Variants in TMEM72 observed in about 807,000 individuals in gnomAD.
TMEM72 encodes kidney-specific secretory protein of 37 kDa.
TMEM72 carries 9 observed loss-of-function variants against 16.3 expected under a neutral mutation model. The ratio of observed to expected loss-of-function variants is 0.55; its 90% CI spans 0.33 to 0.96. The LOEUF is 0.96. Among genes scored for constraint, TMEM72 ranks in the 40% least tolerant of loss-of-function variants. TMEM72 has a pLI of 0.03. For missense variants in TMEM72, 324 were observed against 337.8 expected (o/e 0.96, Z 0.32); for synonymous variants, 160 against 146.5 (o/e 1.09, Z -0.66).
At chr10:44,915,373 G>T (rs972306169) in intron 1 of TMEM72, among the ~76,000 whole-genome samples, 1 of 151,534 alleles carries the variant, frequency 6.6e-6, no homozygotes, top group Non-Finnish European at 1.5e-5. Flanking sequence ...GTCATTGGGA[G>T]CATCATCATG....
rs1276794706 is a variant in TMEM72 at position 44,932,078 on chromosome 10, T to C, written c.209+9T>C. 1 of 1,611,702 alleles carries C rather than the reference T, an allele frequency of 6.2e-7. No homozygotes were observed. Among genetic ancestry groups the C allele is most frequent in the South Asian group, 1.1e-5 (1 of 90,450 alleles). The stretch of plus-strand genomic sequence containing the variant: ...CTGGCCATCTGCTTCCAGTAAGTAG[T>C]TTCCAGAGAGACCCCTCCATTGTCC... On this transcript the variant is annotated intron_variant, in intron 3 of 4. Coordinates refer to ENST00000389583, the MANE Select transcript of TMEM72 (RefSeq NM_001123376.3).
chr10:44,918,092 G>T (rs1369304567), intron 1 of TMEM72, among the ~76,000 whole-genome samples: 10 of 152,120 alleles, frequency 6.6e-5, no homozygotes, highest in African/African-American at 2.4e-4. Context: ...CAGCTTGTGT[G>T]GGGGAATTCC....
intron 1 of TMEM72, among the ~76,000 whole-genome samples, chr10:44,918,837 C>A (rs1840049804): frequency 6.6e-6 from 1 of 152,042 alleles, no homozygotes; most frequent in Admixed American, 6.6e-5. Context: ...GCTCCCTAGG[C>A]CCTTCTATCA....
intron 1 of TMEM72, among the ~76,000 whole-genome samples, chr10:44,916,149 G>C (rs112163836): frequency 0.015 from 2,233 of 152,294 alleles, 79 homozygotes; most frequent in African/African-American, 0.051. Context: ...GCTGTGTTAT[G>C]GCAGCTCCAA....
chr10:44,920,975 C>T (rs1276515801), intron 1 of TMEM72, among the ~76,000 whole-genome samples: 1 of 152,176 alleles, frequency 6.6e-6, no homozygotes, highest in African/African-American at 2.4e-5. Flanking sequence ...AGTGGCTGCC[C>T]TGCCCAGGGC....
chr10:44,934,828 C>T lies in TMEM72; in HGVS notation c.522C>T (p.Ala174=), dbSNP rs1305826825. Residue 174 remains alanine, a synonymous_variant, in exon 5 of 5, where the codon GCC becomes GCT. Transcript: ENST00000389583. The part of the protein sequence containing the change: ...DTEQTYTFHG[A]LKEGPSSLFI... ...AGCAAACCTACACTTTCCATGGGGCCCTCAAGGAGGGGCCCAGCTCCCTTT... is the reference window on the plus strand; with the variant it reads ...AGCAAACCTACACTTTCCATGGGGCTCTCAAGGAGGGGCCCAGCTCCCTTT... 1.9e-6 allele frequency: 3 copies of T among 1,613,460 alleles called. No individual in the cohort carries two copies. The highest frequency in any genetic ancestry group is 2.5e-6 in the Non-Finnish European group (3 of 1,180,002).
intron 1 of TMEM72, among the ~76,000 whole-genome samples, chr10:44,913,715 C>T (rs374133109): frequency 1.4e-4 from 22 of 152,170 alleles, no homozygotes; most frequent in African/African-American, 4.8e-4. Context: ...GGGCAAATCT[C>T]GAGTTTCTTC....
In TMEM72 at chr10:44,934,922, ATGGAGCTGAGCC is replaced by A; in HGVS notation, c.623_634del (p.Leu208_Glu211del). 6.2e-7 allele frequency: 1 copy of A among 1,613,680 alleles called. No homozygotes were observed. Among genetic ancestry groups the A allele is most frequent in the Non-Finnish European group, 8.5e-7 (1 of 1,179,876 alleles). ...TGCCCTCCAGCCCCCCAACACCCTG[ATGGAGCTGAGCC>A]TGGAGCCAGCCGACTCCCTGGCCAA... On this transcript the variant is annotated inframe_deletion, in exon 5 of 5. Coordinates refer to ENST00000389583, the MANE Select transcript of TMEM72 (RefSeq NM_001123376.3).
At position 44,934,897 on chromosome 10, in the gene TMEM72, T is replaced by C; in HGVS notation, c.591T>C (p.Ser197=). 1 of 1,613,344 alleles carries C rather than the reference T, an allele frequency of 6.2e-7. No homozygotes were observed. Among genetic ancestry groups the C allele is most frequent in the Non-Finnish European group, 8.5e-7 (1 of 1,179,854 alleles). Residue 197 remains serine, a synonymous_variant, in exon 5 of 5, where the codon AGT becomes AGC. Coordinates refer to ENST00000389583, the MANE Select transcript of TMEM72 (RefSeq NM_001123376.3). The part of the protein sequence containing the change: ...KSILKGTKKP[S]ALQPPNTLME... ...TCCTGAAGGGGACTAAGAAGCCCAG[T>C]GCCCTCCAGCCCCCCAACACCCTGA... is the stretch of plus-strand genomic sequence containing the variant.
intron 1 of TMEM72, among the ~76,000 whole-genome samples, chr10:44,921,287 C>T (rs1840094764): frequency 6.6e-6 from 1 of 152,090 alleles, no homozygotes; most frequent in Non-Finnish European, 1.5e-5. Context: ...CATAAGGTAC[C>T]TCTGTTGGGC....
chr10:44,929,018 C>T (rs1840247730), intron 2 of TMEM72, among the ~76,000 whole-genome samples: 2 of 152,320 alleles, frequency 1.3e-5, no homozygotes, highest in South Asian at 4.1e-4. Context: ...TGTTATTTAA[C>T]TTTCACAGCA....
chr10:44,931,398 CA>C (rs1840294284), intron 2 of TMEM72, among the ~76,000 whole-genome samples: 1 of 152,164 alleles, frequency 6.6e-6, no homozygotes, highest in Non-Finnish European at 1.5e-5. Context: ...CATCCTGTAT[CA>C]GGAGGAACAT....
rs952595087 is a variant in TMEM72 at position 44,936,860 on chromosome 10, T to G, written c.*1726T>G. 1 of 152,248 alleles carries G rather than the reference T, an allele frequency of 6.6e-6. No homozygotes were observed. The allele number at this position is 152,248 out of a possible 1,614,324, so 9.4% of individuals were successfully genotyped here. On this transcript the variant is annotated 3_prime_UTR_variant, in exon 5 of 5. Transcript: ENST00000389583. The stretch of plus-strand genomic sequence containing the variant: ...CACAGACACCCTCATGGCACAGACA[T>G]GGCCAGCCTCTGACGTTCCTCTGCA...
intron 1 of TMEM72, among the ~76,000 whole-genome samples, chr10:44,922,926 G>C (rs1462441758): frequency 6.6e-6 from 1 of 152,244 alleles, no homozygotes; most frequent in Non-Finnish European, 1.5e-5. Flanking sequence ...AACCTCAGGT[G>C]GCTAGATGAC....
chr10:44,934,802 G>A lies in TMEM72; in HGVS notation c.496G>A (p.Glu166Lys), dbSNP rs761431395. 6.2e-7 allele frequency: 1 copy of A among 1,613,652 alleles called. No individual in the cohort carries two copies. Among genetic ancestry groups the A allele is most frequent in the Non-Finnish European group, 8.5e-7 (1 of 1,180,010 alleles). Residue 166 changes from glutamate (E) to lysine (K), a missense_variant, in exon 5 of 5, where the codon GAG (glutamate) becomes AAG (lysine). Transcript: ENST00000389583. ...GAGCACCACCGGCTCTGGGGACACA[G>A]AGCAAACCTACACTTTCCATGGGGC... ...AVSTTGSGDT[E>K]QTYTFHGALK... is the part of the protein sequence containing the mutation.
chr10:44,923,559 G>A (rs1840137615), intron 1 of TMEM72, among the ~76,000 whole-genome samples: 1 of 152,182 alleles, frequency 6.6e-6, no homozygotes, highest in South Asian at 2.1e-4. Context: ...AGAAAACTGG[G>A]AGACCTTAGA....
rs376858502 is a variant in TMEM72, at chr10:44,922,215, G to A, written c.71-5706G>A. ...AAGGAGTGGGCTGTCCTCATCCACA[G>A]GTTGAAGTGAGGCCTTTGAGAGGGC... is the stretch of plus-strand genomic sequence containing the variant. On this transcript the variant is annotated intron_variant, in intron 1 of 4. Coordinates refer to ENST00000389583, the MANE Select transcript of TMEM72 (RefSeq NM_001123376.3). 5.9e-5 allele frequency among the ~76,000 whole-genome samples: 9 copies of A among 152,302 alleles called. No individual in the cohort carries two copies. The East Asian group carries it at 1.7e-3, about 29-fold the overall frequency.
At chr10:44,918,169 G>T (rs1395270749) in intron 1 of TMEM72, among the ~76,000 whole-genome samples, 2 of 152,050 alleles carry the variant, frequency 1.3e-5, no homozygotes, top group Non-Finnish European at 2.9e-5. Flanking sequence ...TGAAAAACTT[G>T]CCCCCCTGAT....
At chr10:44,932,454 G>T (rs930251612) in intron 3 of TMEM72, among the ~76,000 whole-genome samples, 5 of 152,202 alleles carry the variant, frequency 3.3e-5, no homozygotes, top group African/African-American at 1.2e-4. Flanking sequence ...TTTGGGAACT[G>T]GCTCTGTCTC....
Sources: gnomAD v4.1 joint callset for allele counts (sites outside exome capture counted in the v4.1 genomes callset) on GRCh38, gnomAD v4.1.1 for gene constraint, MANE v1.5 for transcripts, NCBI Gene and HGNC (gene_info 2026-07-23, HGNC 2026-07-21) for gene names.